Variants in OTOG observed in about 807,000 individuals in gnomAD.
OTOG encodes the protein otogelin.
Under a neutral mutation model 313.8 loss-of-function variants are expected in OTOG, and 296 were observed. The ratio of observed to expected loss-of-function variants is 0.94; its 90% CI spans 0.86 to 1.04. The LOEUF (loss-of-function observed/expected upper bound fraction) is 1.04. Among genes scored for constraint, OTOG ranks in the 50% least tolerant of loss-of-function variants. The pLI is 0.00. For synonymous variants in OTOG, 1,533 were observed against 1,554.9 expected, an observed-to-expected ratio of 0.99 and a Z score of 0.33; for missense variants, 3,948 against 3,840.1, an observed-to-expected ratio of 1.03 and a Z score of -0.74.
chr11:17,613,548 C>G (rs921898784), intron 38 of OTOG, 64 bp from the exon 39 acceptor site: 6 of 1,352,034 alleles, frequency 4.4e-6, no homozygotes, highest in African/African-American at 1.5e-5. Flanking sequence ...TTGCTGTGCC[C>G]ACTCACTTGG....
rs1419104734 is a variant in OTOG at position 17,610,794 on chromosome 11, C to T, written c.5494C>T (p.Pro1832Ser). The change falls in exon 36 of 56, where the codon CCA becomes TCA. Residue 1832 changes from proline (P) to serine (S), a missense_variant. Pro to Ser is a moderately conservative substitution (Grantham distance 74). Coordinates refer to ENST00000399397, the MANE Select transcript of OTOG (RefSeq NM_001292063.2). Reference protein sequence around the residue: ...PGPKASVITTPLQPQATTLPA... With the variant: ...PGPKASVITTSLQPQATTLPA... ...CCCCAAAGCCTCTGTCATCACCACT[C>T]CACTCCAGCCACAGGCCACGACTCT... The T allele has an allele frequency of 1.3e-6, 2 of 1,550,436 alleles. No individual in the cohort carries two copies. The highest frequency in any genetic ancestry group is 1.2e-5 in the South Asian group (1 of 84,060).
chr11:17,609,542 C>T, intron 35 of OTOG, 113 bp from the exon 36 acceptor site: 2 of 994,984 alleles, frequency 2.0e-6, no homozygotes, highest in Non-Finnish European at 1.5e-6. Flanking sequence ...AAGCTGCCCT[C>T]ACCCCATCAC....
In OTOG at chr11:17,608,312, G is replaced by T; in HGVS notation, c.4173G>T (p.Gly1391=). The change falls in exon 34 of 56, where the codon GGG becomes GGT. Residue 1391 remains glycine, a synonymous_variant. Coordinates refer to ENST00000399397, the MANE Select transcript of OTOG (RefSeq NM_001292063.2). ...ACTTTCTAGATGCCAAGCCCTCGGG[G>T]GCTGCCTACCCCATCTGCGAGTGGC... ...LFRLLDAKPS[G]AAYPICEWRY... is the part of the protein sequence containing the mutation. The T allele has an allele frequency of 3.3e-6, 5 of 1,538,124 alleles. No homozygotes were observed. Among genetic ancestry groups the T allele is most frequent in the Non-Finnish European group, 4.4e-6 (5 of 1,141,248 alleles).
rs1853092482 is a variant in OTOG at position 17,596,034 on chromosome 11, T to G, written c.3409-4T>G. On this transcript the variant is annotated splice_polypyrimidine_tract_variant and splice_region_variant and intron_variant, in intron 28 of 55. Coordinates refer to ENST00000399397, the MANE Select transcript of OTOG (RefSeq NM_001292063.2). ...AGGTCAACAGCCCTGCCTTTGCCCCTCAGTGCCCAGACACCCTCGATCCTC... is the reference window on the plus strand; with the variant it reads ...AGGTCAACAGCCCTGCCTTTGCCCCGCAGTGCCCAGACACCCTCGATCCTC... 5.2e-6 allele frequency: 8 copies of G among 1,549,010 alleles called. No homozygotes were observed. Among genetic ancestry groups the G allele is most frequent in the Non-Finnish European group, 7.0e-6 (8 of 1,145,424 alleles).
intron 17 of OTOG, 188 bp downstream of exon 17, chr11:17,570,578 T>C: frequency 1.7e-6 from 1 of 593,970 alleles, no homozygotes; most frequent in East Asian, 3.0e-5. Flanking sequence ...CAGTCCTCTA[T>C]GTGTGGAATC....
At position 17,562,311 on chromosome 11, in the gene OTOG, A is replaced by G. The variant is rs1424080444; in HGVS notation, c.1644+504A>G. Among the ~76,000 whole-genome samples, 3 of 151,426 alleles carry G rather than the reference A, an allele frequency of 2.0e-5. No homozygotes were observed. In the East Asian group the frequency reaches 5.8e-4, roughly 29 times the overall value. On this transcript the variant is annotated intron_variant, in intron 15 of 55. Transcript: ENST00000399397. ...TAGTTTTGATTGTTGGTTTCCTCCC[A>G]TATTTTATGTGTCTTCACACTTAAA...
At position 17,612,276 on chromosome 11, in the gene OTOG, G is replaced by A. The variant is rs1179866103; in HGVS notation, c.6238G>A (p.Gly2080Ser). 2 of 1,544,310 alleles carry A rather than the reference G, an allele frequency of 1.3e-6. No homozygotes were observed. Among genetic ancestry groups the A allele is most frequent in the African/African-American group, 2.7e-5 (2 of 73,032 alleles). The change falls in exon 37 of 56, where the codon GGC becomes AGC. Residue 2080 changes from glycine to serine, a missense_variant. By Grantham distance (56) the Gly-to-Ser change is moderately conservative (BLOSUM62 0). Coordinates refer to ENST00000399397, the MANE Select transcript of OTOG (RefSeq NM_001292063.2). ...GAAPPRCGIL[G>S]LAVRVGGDRC... is the part of the protein sequence containing the mutation. ...TGCTCCCCCTCGCTGTGGGATCCTG[G>A]GCCTCGCCGTGCGGGTGGGTGGGGA...
intron 39 of OTOG, among the ~76,000 whole-genome samples, chr11:17,622,489 C>A (rs1853888742): frequency 6.6e-6 from 1 of 151,992 alleles, no homozygotes; most frequent in African/African-American, 2.4e-5. Flanking sequence ...TTTAATTTTT[C>A]TTTTTACTCA....
rs767394649 is a variant in OTOG, at chr11:17,586,573, C to T, written c.2859C>T (p.Cys953=). The T allele has an allele frequency of 2.2e-6, 3 of 1,386,762 alleles. No homozygotes were observed. Among genetic ancestry groups the T allele is most frequent in the East Asian group, 5.9e-5 (2 of 33,616 alleles). The allele number at this position is 1,386,762 out of a possible 1,614,324, so 85.9% of individuals were successfully genotyped here. A position where few individuals can be genotyped will look rare whatever the true frequency, so the allele number is the denominator to read the frequency against. ...CTGGGGACCAGGTGATGTCTCCTTG[C>T]CATACCTGGTAAGTGAGGGTCCCAA... ...YFPGDQVMSP[C]HTCVCQRGSF... Residue 953 remains cysteine, a synonymous_variant, in exon 24 of 56, where the codon TGC becomes TGT. Transcript: ENST00000399397.
Position 17,553,104 on chromosome 11 carries a change from G to A in OTOG, c.293-15G>A. On this transcript the variant is annotated splice_polypyrimidine_tract_variant and intron_variant, in intron 4 of 55. Coordinates refer to ENST00000399397, the MANE Select transcript of OTOG (RefSeq NM_001292063.2). ...CTCAGCTTGATGGGGCAATGACTCT[G>A]TGTCTCCCATGCAGACTTGTTCTCC... is the stretch of plus-strand genomic sequence containing the variant. The A allele has an allele frequency of 1.3e-6, 2 of 1,550,194 alleles. No homozygotes were observed. The highest frequency in any genetic ancestry group is 1.7e-6 in the Non-Finnish European group (2 of 1,146,774).
intron 19 of OTOG, 22 bp from the exon 20 acceptor site, chr11:17,574,698 C>T (rs774877554): frequency 2.9e-5 from 44 of 1,543,084 alleles, no homozygotes; most frequent in Non-Finnish European, 3.2e-5. Flanking sequence ...ACAAAGCATG[C>T]ACCACTCCCC....
At chr11:17,602,747 C>T (rs754286537) in intron 32 of OTOG, among the ~76,000 whole-genome samples, 2 of 152,124 alleles carry the variant, frequency 1.3e-5, no homozygotes, top group Non-Finnish European at 2.9e-5. Flanking sequence ...TTCCCTTTCT[C>T]CCTCTACCTC....
At chr11:17,608,141 T>A (rs1203505664) in intron 33 of OTOG, among the ~76,000 whole-genome samples, 155 bp from the exon 34 acceptor site, 1 of 151,876 alleles carries the variant, frequency 6.6e-6, no homozygotes, top group Non-Finnish European at 1.5e-5. Flanking sequence ...CCAACCACCA[T>A]GAACGCAGTT....
chr11:17,548,236 C>T (rs1461305299), intron 3 of OTOG, 24 bp downstream of exon 3: 1 of 1,529,152 alleles, frequency 6.5e-7, no homozygotes, highest in African/African-American at 1.4e-5. Context: ...TGGGAGGGGG[C>T]TTCATTGAGC....
At chr11:17,548,120 C>A in intron 2 of OTOG, 32 bp from the exon 3 acceptor site, 3 of 1,539,258 alleles carry the variant, frequency 1.9e-6, no homozygotes, top group East Asian at 4.9e-5. Context: ...CATCCTAGCC[C>A]CCCATCCATG....
At chr11:17,615,908 A>G (rs1286275411) in intron 39 of OTOG, among the ~76,000 whole-genome samples, 1 of 152,190 alleles carries the variant, frequency 6.6e-6, no homozygotes, top group African/African-American at 2.4e-5. Context: ...AGCCTGGGCA[A>G]CAAGAGTGAA....
In OTOG at chr11:17,569,349, A is replaced by G. The variant is rs1852358987; in HGVS notation, c.1777+61A>G. The G allele has an allele frequency of 1.9e-6, 3 of 1,541,856 alleles. No homozygotes were observed. In the South Asian group the frequency reaches 3.6e-5, roughly 18 times the overall value. ...ACTGAGGGTTTGGACCTCTCTTCCCAGGATCCTCTGGCTAAAAGCACTGCT... is the reference window on the plus strand; with the variant it reads ...ACTGAGGGTTTGGACCTCTCTTCCCGGGATCCTCTGGCTAAAAGCACTGCT... On this transcript the variant is annotated intron_variant, in intron 16 of 55. Transcript: ENST00000399397.
In OTOG at chr11:17,634,225, G is replaced by T; in HGVS notation, c.7424G>T (p.Gly2475Val). 1 of 1,550,534 alleles carries T rather than the reference G, an allele frequency of 6.4e-7. No homozygotes were observed. Among genetic ancestry groups the T allele is most frequent in the Non-Finnish European group, 8.7e-7 (1 of 1,146,942 alleles). Residue 2475 changes from glycine (G) to valine (V), a missense_variant, in exon 44 of 56, where the codon GGG becomes GTG. Transcript: ENST00000399397. ...SPRPESCLRFGEVALLLPTKD... is the reference protein window; with the variant it reads ...SPRPESCLRFVEVALLLPTKD... ...CGCCCTGAGAGCTGCCTGCGATTCG[G>T]GGAGGTGGCCTTGCTCCTACCCACC...
At chr11:17,623,989 G>A (rs1292059565) in intron 39 of OTOG, among the ~76,000 whole-genome samples, 1 of 152,012 alleles carries the variant, frequency 6.6e-6, no homozygotes, top group Admixed American at 6.6e-5. Context: ...GTTTTTAATG[G>A]GGTAGTTTGT....
Sources: allele counts gnomAD v4.1 joint callset (sites outside exome capture counted in the v4.1 genomes callset), GRCh38; gene constraint gnomAD v4.1.1; transcripts MANE v1.5; gene names NCBI Gene and HGNC (gene_info 2026-07-23, HGNC 2026-07-21).